The following NEK10 variants were observed in gnomAD, a reference collection of about 807,000 sequenced individuals.
NEK10 encodes serine/threonine-protein kinase Nek10.
Under a neutral mutation model 159.8 loss-of-function variants are expected in NEK10, and 122 were observed. The ratio of observed to expected loss-of-function variants is 0.76; its 90% CI spans 0.66 to 0.89. The LOEUF (loss-of-function observed/expected upper bound fraction) is 0.89, where lower values mean the gene tolerates loss of function less well. NEK10 is among the 40% of genes least tolerant of loss of function. NEK10 has a pLI of 0.00. For missense variants in NEK10, 1,342 were observed against 1,323.1 expected (o/e 1.01, Z -0.22); for synonymous variants, 466 against 457.1 (o/e 1.02, Z -0.25).
intron 19 of NEK10, among the ~76,000 whole-genome samples, chr3:27,289,153 G>A (rs2042823025): frequency 6.6e-6 from 1 of 152,186 alleles, no homozygotes; most frequent in Non-Finnish European, 1.5e-5. Context: ...CACAAGAAGA[G>A]AGAAAAAAGC....
At chr3:27,343,846 G>A (rs1053438044) in intron 5 of NEK10, among the ~76,000 whole-genome samples, 3 of 152,160 alleles carry the variant, frequency 2.0e-5, no homozygotes, top group African/African-American at 7.2e-5. Flanking sequence ...TCTTTATGAG[G>A]CTGTGGCTGG....
At chr3:27,348,645 C>A (rs1227907867) in intron 3 of NEK10, among the ~76,000 whole-genome samples, 1 of 152,162 alleles carries the variant, frequency 6.6e-6, no homozygotes, top group East Asian at 1.9e-4. Flanking sequence ...TCCTGACAAG[C>A]ACTTGCCCAG....
intron 33 of NEK10, among the ~76,000 whole-genome samples, chr3:27,117,172 G>A (rs1177675117): frequency 4.6e-5 from 7 of 152,162 alleles, no homozygotes; most frequent in Non-Finnish European, 1.0e-4. Flanking sequence ...CCTCTTTATA[G>A]CTGCATGGTA....
intron 1 of NEK10, among the ~76,000 whole-genome samples, chr3:27,354,009 A>G (rs1381281212): frequency 6.6e-6 from 1 of 152,204 alleles, no homozygotes; most frequent in African/African-American, 2.4e-5. Context: ...ATATGCAAAT[A>G]CAAAAATGCC....
At chr3:27,285,754 A>T (rs546859702) in intron 20 of NEK10, among the ~76,000 whole-genome samples, 23 of 152,294 alleles carry the variant, frequency 1.5e-4, no homozygotes, top group African/African-American at 5.5e-4. Flanking sequence ...GTGTGTAGAA[A>T]ATGTTGACAA....
chr3:27,212,716 G>C (rs907438936), intron 23 of NEK10, among the ~76,000 whole-genome samples: 1 of 152,262 alleles, frequency 6.6e-6, no homozygotes, highest in African/African-American at 2.4e-5. Context: ...ATGAGGAAGA[G>C]GGGTGAAAAC....
At position 27,301,687 on chromosome 3, in the gene NEK10, C is replaced by T. The variant is rs753018085; in HGVS notation, c.1168+9G>A. The stretch of plus-strand genomic sequence containing the variant: ...AATTATAGCATATCAAATAATAAAA[C>T]ATAAATACCTGCTTGAAGTGAGAAA... On this transcript the variant is annotated intron_variant, in intron 13 of 35. Transcript: ENST00000691995. The T allele has an allele frequency of 6.6e-7, 1 of 1,526,606 alleles. No individual in the cohort carries two copies. Among genetic ancestry groups the T allele is most frequent in the South Asian group, 1.2e-5 (1 of 84,514 alleles). 94.6% of individuals were successfully genotyped at this position (1,526,606 alleles called of 1,614,324 possible). A position where few individuals can be genotyped will look rare whatever the true frequency, so the allele number is the denominator to read the frequency against.
In NEK10 at chr3:27,307,073, C is replaced by G. The variant is rs961251964; in HGVS notation, c.803+786G>C. Among the ~76,000 whole-genome samples the G allele has an allele frequency of 2.0e-5, 3 of 152,130 alleles. No individual in the cohort carries two copies. In the South Asian group the frequency reaches 6.2e-4, roughly 31 times the overall value. ...ATCAGTTATAGCACTGTTTGACCCT[C>G]TTCTACACTACATATTTATAACTTA... On this transcript the variant is annotated intron_variant, in intron 11 of 35. Coordinates refer to ENST00000691995, the MANE Select transcript of NEK10 (RefSeq NM_001394966.1).
At chr3:27,339,836 A>G (rs2047077911) in intron 5 of NEK10, among the ~76,000 whole-genome samples, 1 of 151,458 alleles carries the variant, frequency 6.6e-6, no homozygotes, top group African/African-American at 2.4e-5. Context: ...TAGAATGGTG[A>G]TTATTAAAAA....
chr3:27,215,071 AC>A, intron 23 of NEK10: 1 of 557,376 alleles, frequency 1.8e-6, no homozygotes, highest in African/African-American at 1.9e-5. Flanking sequence ...TCCCGCTCCA[AC>A]CCCTGCAAGT....
chr3:27,166,748 T>C (rs1946523772), intron 29 of NEK10, among the ~76,000 whole-genome samples: 1 of 151,984 alleles, frequency 6.6e-6, no homozygotes, highest in Admixed American at 6.6e-5. Context: ...TCACCTGAAG[T>C]CAAGAGTTCG....
chr3:27,315,850 A>T (rs2045117128), intron 6 of NEK10, among the ~76,000 whole-genome samples: 1 of 152,200 alleles, frequency 6.6e-6, no homozygotes, highest in African/African-American at 2.4e-5. Flanking sequence ...GGACTAAGAG[A>T]CACCTCATGT....
In NEK10 at chr3:27,192,026, T is replaced by G; in HGVS notation, c.2505+3A>C. On this transcript the variant is annotated splice_donor_region_variant and intron_variant, in intron 26 of 35. Coordinates refer to ENST00000691995, the MANE Select transcript of NEK10 (RefSeq NM_001394966.1). ...ATGAACCGATTGAAATATTTGCACT[T>G]ACGTGAGATAGAACAGCCAGCTCAT... is the stretch of plus-strand genomic sequence containing the variant. 2 of 1,613,974 alleles carry G rather than the reference T, an allele frequency of 1.2e-6. No individual in the cohort carries two copies. The highest frequency in any genetic ancestry group is 1.7e-6 in the Non-Finnish European group (2 of 1,179,816).
chr3:27,296,522 C>T (rs1299595613), intron 14 of NEK10, among the ~76,000 whole-genome samples: 1 of 152,094 alleles, frequency 6.6e-6, no homozygotes, highest in Admixed American at 6.5e-5. Context: ...CTAACATGTA[C>T]GGATCTTGAA....
intron 7 of NEK10, among the ~76,000 whole-genome samples, chr3:27,312,977 T>A (rs1248861054): frequency 2.3e-4 from 35 of 152,166 alleles, no homozygotes. Flanking sequence ...ATGAAAATCA[T>A]TCTTTCTGTA....
At chr3:27,196,266 G>A (rs1159335034) in intron 25 of NEK10, among the ~76,000 whole-genome samples, 1 of 152,136 alleles carries the variant, frequency 6.6e-6, no homozygotes, top group Non-Finnish European at 1.5e-5. Context: ...AATTGATCAC[G>A]ATCCTTTCAC....
chr3:27,187,760 CAAA>C (rs34803938), intron 26 of NEK10, among the ~76,000 whole-genome samples: 9 of 129,140 alleles, frequency 7.0e-5, no homozygotes, highest in Admixed American at 7.9e-5. Flanking sequence ...GACTCCATCT[CAAA>C]AAAAAAAAAA....
chr3:27,176,638 C>A (rs991097772), intron 26 of NEK10, among the ~76,000 whole-genome samples: 2 of 152,226 alleles, frequency 1.3e-5, no homozygotes, highest in Non-Finnish European at 2.9e-5. Context: ...CTTCCTCTAA[C>A]TATCCTCAAC....
At chr3:27,312,848 A>G (rs1281644354) in intron 7 of NEK10, among the ~76,000 whole-genome samples, 1 of 152,218 alleles carries the variant, frequency 6.6e-6, no homozygotes, top group Non-Finnish European at 1.5e-5. Flanking sequence ...AAAACAAAAA[A>G]TAAACATGAA....
Sources: allele counts gnomAD v4.1 joint callset (sites outside exome capture counted in the v4.1 genomes callset), GRCh38; gene constraint gnomAD v4.1.1; transcripts MANE v1.5; gene names NCBI Gene and HGNC (gene_info 2026-07-23, HGNC 2026-07-21).